The following SPECC1 variants were observed in gnomAD, a reference collection of about 807,000 sequenced individuals.
SPECC1 encodes cytospin-B.
SPECC1 carries 62 observed loss-of-function variants against 104.1 expected under a neutral mutation model. The ratio of observed to expected loss-of-function variants is 0.60; its 90% CI spans 0.49 to 0.74. The LOEUF is 0.74. Among genes scored for constraint, SPECC1 ranks in the 30% least tolerant of loss-of-function variants. The pLI is 0.00. For synonymous variants in SPECC1, 513 were observed against 501.6 expected (o/e 1.02, Z -0.30); for missense variants, 1,306 against 1,310.5 (o/e 1.00, Z 0.05).
rs2042057528 is a variant in SPECC1, at chr17:20,317,710, A to T, written c.*3645A>T. 1 of 212,992 alleles carries T rather than the reference A, an allele frequency of 4.7e-6. No homozygotes were observed. The highest frequency in any genetic ancestry group is 2.3e-5 in the African/African-American group (1 of 44,158). 13.2% of individuals were successfully genotyped at this position (212,992 alleles called of 1,614,324 possible). ...CACTGCACTCTGGCCTGGGCCAAAG[A>T]GCAAGACCCTGTCACACACACACAC... On this transcript the variant is annotated 3_prime_UTR_variant, in exon 15 of 15. Coordinates refer to ENST00000395527, the MANE Select transcript of SPECC1 (RefSeq NM_001243439.2).
At chr17:20,173,020 A>G (rs1330618578) in intron 3 of SPECC1, among the ~76,000 whole-genome samples, 2 of 152,246 alleles carry the variant, frequency 1.3e-5, no homozygotes, top group East Asian at 1.9e-4. Context: ...GGCTACATCT[A>G]TGAAATCCCT....
intron 1 of SPECC1, among the ~76,000 whole-genome samples, chr17:20,090,707 T>C (rs149622828): frequency 1.3e-5 from 2 of 152,308 alleles, no homozygotes; most frequent in Admixed American, 6.5e-5. Flanking sequence ...TAACTACTTA[T>C]TAGTGGTCAT....
At chr17:20,306,159 C>A in intron 14 of SPECC1, 77 bp downstream of exon 14, 2 of 1,420,624 alleles carry the variant, frequency 1.4e-6, no homozygotes, top group South Asian at 1.2e-5. Context: ...TAAACAGTTT[C>A]TCGTAGAACA....
intron 1 of SPECC1, among the ~76,000 whole-genome samples, chr17:20,089,116 A>G (rs1409137880): frequency 6.6e-6 from 1 of 152,204 alleles, no homozygotes; most frequent in African/African-American, 2.4e-5. Flanking sequence ...TAAGGGGAGC[A>G]GTAGGCCAGG....
intron 13 of SPECC1, among the ~76,000 whole-genome samples, chr17:20,298,968 TGTGTATGTAGAGAG>T (rs1954146396): frequency 7.8e-5 from 7 of 89,248 alleles, no homozygotes; most frequent in African/African-American, 3.2e-4. Flanking sequence ...TGTGTGTGTG[TGTGTATGTAGAGAG>T]AGAGAGAGAG....
intron 12 of SPECC1, among the ~76,000 whole-genome samples, chr17:20,265,868 G>A (rs2040199993): frequency 6.6e-6 from 1 of 152,114 alleles, no homozygotes; most frequent in Non-Finnish European, 1.5e-5. Context: ...CCCATTGCTT[G>A]TTTTTGTCAA....
intron 12 of SPECC1, among the ~76,000 whole-genome samples, chr17:20,287,183 C>T (rs753392613): frequency 5.3e-5 from 8 of 152,106 alleles, no homozygotes; most frequent in East Asian, 3.9e-4. Flanking sequence ...TTTGGGAGGC[C>T]GAGGCGGGTG....
At chr17:20,098,363 A>G (rs2047753713) in intron 2 of SPECC1, among the ~76,000 whole-genome samples, 2 of 152,040 alleles carry the variant, frequency 1.3e-5, no homozygotes, top group Admixed American at 1.3e-4. Context: ...ACTCCAACCA[A>G]TTCCCACTGC....
chr17:20,130,425 C>T (rs2049553554), intron 3 of SPECC1, among the ~76,000 whole-genome samples: 1 of 152,128 alleles, frequency 6.6e-6, no homozygotes, highest in African/African-American at 2.4e-5. Flanking sequence ...GTCCCAGCTA[C>T]TTGAGATGCT....
chr17:20,090,714 T>G (rs1442241305), intron 1 of SPECC1, among the ~76,000 whole-genome samples: 2 of 152,154 alleles, frequency 1.3e-5, no homozygotes, highest in Non-Finnish European at 2.9e-5. Flanking sequence ...TTATTAGTGG[T>G]CATTTAGCTC....
chr17:20,296,736 C>A (rs2041364219), intron 12 of SPECC1, among the ~76,000 whole-genome samples: 1 of 152,204 alleles, frequency 6.6e-6, no homozygotes. Flanking sequence ...AGGTCCTTCA[C>A]ATCCCTTGTA....
chr17:20,188,310 G>A (rs1454767723), intron 3 of SPECC1, among the ~76,000 whole-genome samples: 1 of 151,052 alleles, frequency 6.6e-6, no homozygotes, highest in Non-Finnish European at 1.5e-5. Context: ...CCAGGCTGGA[G>A]TGCAGTGGTG....
chr17:20,173,933 T>G (rs1298284795), intron 3 of SPECC1, among the ~76,000 whole-genome samples: 2 of 152,146 alleles, frequency 1.3e-5, no homozygotes, highest in African/African-American at 2.4e-5. Context: ...TTGGTGTTTT[T>G]TTTTTTTGTT....
chr17:20,053,942 C>T (rs2045869108), intron 1 of SPECC1, among the ~76,000 whole-genome samples: 2 of 152,226 alleles, frequency 1.3e-5, no homozygotes, highest in South Asian at 4.1e-4. Flanking sequence ...GGCAAACCTT[C>T]CGTATTCCCA....
intron 4 of SPECC1, among the ~76,000 whole-genome samples, chr17:20,217,253 A>C (rs1175464161): frequency 6.6e-6 from 1 of 150,806 alleles, no homozygotes; most frequent in Non-Finnish European, 1.5e-5. Context: ...TAAGGGTTTC[A>C]GTTTTTTTAT....
At chr17:20,076,108 C>A (rs1295440934) in intron 1 of SPECC1, among the ~76,000 whole-genome samples, 1 of 152,132 alleles carries the variant, frequency 6.6e-6, no homozygotes, top group Non-Finnish European at 1.5e-5. Flanking sequence ...CAGAGTATGA[C>A]CCTGTTCTAA....
At chr17:20,098,811 C>T (rs560877182) in intron 2 of SPECC1, among the ~76,000 whole-genome samples, 122 of 152,326 alleles carry the variant, frequency 8.0e-4, no homozygotes, top group African/African-American at 2.7e-3. Context: ...TGCTTGTTTA[C>T]GGTCTGTCTT....
intron 13 of SPECC1, among the ~76,000 whole-genome samples, chr17:20,298,511 G>A (rs535677092): frequency 3.3e-5 from 5 of 152,272 alleles, no homozygotes; most frequent in Non-Finnish European, 7.3e-5. Flanking sequence ...GGAAGTGGAG[G>A]GGGCAGACCC....
intron 3 of SPECC1, among the ~76,000 whole-genome samples, chr17:20,164,396 G>A (rs140338307): frequency 6.6e-6 from 1 of 152,018 alleles, no homozygotes; most frequent in African/African-American, 2.4e-5. Context: ...CCAGCTCCTG[G>A]CCTCAAGCGG....
Sources: gnomAD v4.1 joint callset for allele counts (sites outside exome capture counted in the v4.1 genomes callset) on GRCh38, gnomAD v4.1.1 for gene constraint, MANE v1.5 for transcripts, NCBI Gene and HGNC (gene_info 2026-07-23, HGNC 2026-07-21) for gene names.